Variants in TEK observed in about 807,000 individuals in gnomAD.
TEK encodes TEK receptor tyrosine kinase, also known as angiopoietin-1 receptor.
TEK carries 43 observed loss-of-function variants against 131.8 expected under a neutral mutation model. The ratio of observed to expected loss-of-function variants is 0.33; its 90% CI spans 0.26 to 0.42. The LOEUF (loss-of-function observed/expected upper bound fraction) is 0.42, where lower values mean the gene tolerates loss of function less well. Among genes scored for constraint, TEK ranks in the 10% least tolerant of loss-of-function variants. TEK has a pLI of 1.00. For missense variants in TEK, 1,162 were observed against 1,384.4 expected, an observed-to-expected ratio of 0.84 and a Z score of 2.55; for synonymous variants, 580 against 491.6, an observed-to-expected ratio of 1.18 and a Z score of -2.38.
chr9:27,138,103 G>T (rs967357899), intron 1 of TEK, among the ~76,000 whole-genome samples: 2 of 152,330 alleles, frequency 1.3e-5, no homozygotes, highest in South Asian at 4.1e-4. Flanking sequence ...CTGACCTCAG[G>T]AGTGAAGCCG....
intron 2 of TEK, among the ~76,000 whole-genome samples, chr9:27,162,771 A>G (rs1408870365): frequency 6.6e-6 from 1 of 151,492 alleles, no homozygotes; most frequent in Non-Finnish European, 1.5e-5. Flanking sequence ...GCTGGAGTGC[A>G]GTGGCGCGAT....
intron 6 of TEK, among the ~76,000 whole-genome samples, chr9:27,173,568 A>G (rs1388328611): frequency 1.3e-5 from 2 of 152,198 alleles, no homozygotes; most frequent in Non-Finnish European, 1.5e-5. Flanking sequence ...AGTACTTCTC[A>G]TAACTATCAT....
chr9:27,140,957 C>T (rs1822701643), intron 1 of TEK, among the ~76,000 whole-genome samples: 1 of 151,916 alleles, frequency 6.6e-6, no homozygotes, highest in African/African-American at 2.4e-5. Flanking sequence ...TTTCTTTCTT[C>T]ATTCTTTTAT....
Position 27,206,865 on chromosome 9 carries a change from C to T in TEK, c.2575+73C>T, listed in dbSNP as rs77008041. The T allele has an allele frequency of 7.9e-4, 1,210 of 1,523,612 alleles. 6 individuals are homozygous for T. The African/African-American group carries it at 0.013, about 16-fold the overall frequency. The allele number at this position is 1,523,612 out of a possible 1,614,324, so 94.4% of individuals were successfully genotyped here. Reference sequence around the variant, plus strand: ...AAACTTGATTTCCTGCTCATTCTTTCCTCTATGGTCTTACAAAAAATTGGC... The same window carrying T: ...AAACTTGATTTCCTGCTCATTCTTTTCTCTATGGTCTTACAAAAAATTGGC... On this transcript the variant is annotated intron_variant, in intron 15 of 22. Transcript: ENST00000380036.
chr9:27,209,444 C>T (rs529008435), intron 16 of TEK, among the ~76,000 whole-genome samples: 1 of 152,262 alleles, frequency 6.6e-6, no homozygotes, highest in African/African-American at 2.4e-5. Flanking sequence ...TATTTAGCCT[C>T]TGATGTGGTT....
intron 1 of TEK, among the ~76,000 whole-genome samples, chr9:27,149,410 ATGTT>A (rs2131101436): frequency 1.3e-5 from 2 of 152,308 alleles, no homozygotes; most frequent in East Asian, 3.9e-4. Flanking sequence ...CAAGTGGACA[ATGTT>A]TGTAAAGCAC....
intron 12 of TEK, 150 bp downstream of exon 12, chr9:27,197,749 T>C: frequency 2.0e-6 from 2 of 1,004,062 alleles, no homozygotes; most frequent in South Asian, 2.8e-5. Flanking sequence ...CTAATCATTT[T>C]AATAACTTGC....
At chr9:27,224,105 T>C (rs540717114) in intron 21 of TEK, among the ~76,000 whole-genome samples, 58 of 152,290 alleles carry the variant, frequency 3.8e-4, no homozygotes, top group Middle Eastern at 3.4e-3. Flanking sequence ...AGTTCTGAAA[T>C]TGAGGCAGAA....
At chr9:27,172,859 G>C in intron 5 of TEK, 112 bp downstream of exon 5, 2 of 1,405,020 alleles carry the variant, frequency 1.4e-6, no homozygotes, top group Non-Finnish European at 2.0e-6. Flanking sequence ...GCCTCTGTTA[G>C]GTCAGATGGT....
chr9:27,154,481 C>T (rs1823251343), intron 1 of TEK, among the ~76,000 whole-genome samples: 1 of 152,160 alleles, frequency 6.6e-6, no homozygotes, highest in African/African-American at 2.4e-5. Flanking sequence ...AAAGCCAGTA[C>T]ACACAAGCAT....
chr9:27,133,572 A>G (rs1159989773), intron 1 of TEK, among the ~76,000 whole-genome samples: 3 of 152,170 alleles, frequency 2.0e-5, no homozygotes. Context: ...ATTTTTTAGT[A>G]TCTGTATCCA....
rs1310047403 is a variant in TEK, at chr9:27,185,486, C to A, written c.1184C>A (p.Pro395Gln). The change falls in exon 9 of 23, where the codon CCA becomes CAA. Residue 395 changes from proline (P) to glutamine (Q), a missense_variant and splice_region_variant. Transcript: ENST00000380036. ...TTTTTTTGTATTTGACCTTTTCAGC[C>A]AAAAGACTTTAACCATACGGATCAT... ...LVKPDGTVLH[P>Q]KDFNHTDHFS... 1 of 1,613,464 alleles carries A rather than the reference C, an allele frequency of 6.2e-7. No individual in the cohort carries two copies. Among genetic ancestry groups the A allele is most frequent in the Non-Finnish European group, 8.5e-7 (1 of 1,179,684 alleles).
chr9:27,114,561 A>C (rs1821475442), intron 1 of TEK, among the ~76,000 whole-genome samples: 1 of 151,468 alleles, frequency 6.6e-6, no homozygotes. Flanking sequence ...ACAGAGTGAG[A>C]CTCCGTCTCA....
chr9:27,182,257 C>T (rs191294047), intron 7 of TEK, among the ~76,000 whole-genome samples: 146 of 152,276 alleles, frequency 9.6e-4, no homozygotes, highest in African/African-American at 3.4e-3. Context: ...GAGTAGCTCC[C>T]TTCCCAGATT....
rs748589440 is a variant in TEK at position 27,217,701 on chromosome 9, T to C, written c.3005T>C (p.Val1002Ala). ...YVKKTMGRLP[V>A]RWMAIESLNY... ...TGTTCTCTCCAGGGAAGGCTCCCAG[T>C]GCGCTGGATGGCCATCGAGTCACTG... Residue 1002 changes from valine (V) to alanine (A), a missense_variant, in exon 19 of 23, where the codon GTG becomes GCG. Val to Ala is a moderately conservative substitution (Grantham distance 64). Coordinates refer to ENST00000380036, the MANE Select transcript of TEK (RefSeq NM_000459.5). 6.2e-7 allele frequency: 1 copy of C among 1,613,864 alleles called. No homozygotes were observed. The highest frequency in any genetic ancestry group is 1.1e-5 in the South Asian group (1 of 91,072).
chr9:27,175,331 G>A (rs1824124172), intron 6 of TEK, among the ~76,000 whole-genome samples: 1 of 150,232 alleles, frequency 6.7e-6, no homozygotes, highest in Non-Finnish European at 1.5e-5. Flanking sequence ...CATTTTTTAT[G>A]GCTGCATAGT....
intron 9 of TEK, among the ~76,000 whole-genome samples, chr9:27,190,048 A>C (rs184612338): frequency 1.3e-5 from 2 of 152,328 alleles, no homozygotes; most frequent in East Asian, 3.9e-4. Flanking sequence ...TTCACATCAG[A>C]GCTAAGAATT....
chr9:27,158,192 A>G (rs756723908), intron 2 of TEK, 50 bp downstream of exon 2: 1 of 1,608,274 alleles, frequency 6.2e-7, no homozygotes, highest in Non-Finnish European at 8.5e-7. Flanking sequence ...AGGAACACAC[A>G]CACCTTTTGT....
chr9:27,130,738 G>A (rs35243524), intron 1 of TEK, among the ~76,000 whole-genome samples: 34,659 of 149,570 alleles, frequency 0.23, 4,689 homozygotes, highest in Admixed American at 0.3. Context: ...CACCACGCCT[G>A]GCTAATTTTT....
Sources: gnomAD v4.1 joint callset for allele counts (sites outside exome capture counted in the v4.1 genomes callset) on GRCh38, gnomAD v4.1.1 for gene constraint, MANE v1.5 for transcripts, NCBI Gene and HGNC (gene_info 2026-07-23, HGNC 2026-07-21) for gene names.